The following TENM2 variants were observed in gnomAD, a reference collection of about 807,000 sequenced individuals.
TENM2 encodes teneurin-2.
A neutral mutation model predicts 245.2 loss-of-function variants in TENM2; 52 were observed. The observed-to-expected ratio is 0.21, with a 90% CI of 0.17 to 0.27. The LOEUF (loss-of-function observed/expected upper bound fraction) is 0.27. Among genes scored for constraint, TENM2 ranks in the 10% least tolerant of loss-of-function variants. The pLI, the probability that TENM2 is intolerant of heterozygous loss-of-function variation, is 1.00. For synonymous variants in TENM2, 1,363 were observed against 1,438.9 expected (o/e 0.95, Z 1.19); for missense variants, 3,046 against 3,666.8 (o/e 0.83, Z 4.37).
chr5:167,539,693 A>T (rs1313852360), intron 2 of TENM2, among the ~76,000 whole-genome samples: 1 of 152,204 alleles, frequency 6.6e-6, no homozygotes, highest in East Asian at 1.9e-4. Context: ...TGAGAAAAAA[A>T]TGTTTTCCTT....
At chr5:167,312,729 T>C (rs1369064709) in intron 1 of TENM2, among the ~76,000 whole-genome samples, 1 of 152,088 alleles carries the variant, frequency 6.6e-6, no homozygotes, top group Non-Finnish European at 1.5e-5. Flanking sequence ...AGATGCTTTT[T>C]CTCTCCACAG....
intron 25 of TENM2, among the ~76,000 whole-genome samples, chr5:168,239,728 G>A (rs1284735480): frequency 6.6e-6 from 1 of 151,976 alleles, no homozygotes; most frequent in African/African-American, 2.4e-5. Context: ...TTTACATGTT[G>A]GTCTTTCCCA....
Position 167,662,237 on chromosome 5 carries a change from G to T in TENM2, c.503-213749G>T, listed in dbSNP as rs138874170. On this transcript the variant is annotated intron_variant, in intron 2 of 28. Transcript: ENST00000518659. The stretch of plus-strand genomic sequence containing the variant: ...AAACAAAAAGAGGAGATTCTTGCTA[G>T]ATTGGGTATGGGGAGTTGGGGTGGA... 2.4e-4 allele frequency among the ~76,000 whole-genome samples: 36 copies of T among 152,288 alleles called. No homozygotes were observed. In the East Asian group the frequency reaches 4.6e-3, roughly 20 times the overall value.
In TENM2 at chr5:168,226,074, C is replaced by CTA. The variant is rs756539101; in HGVS notation, c.5109-12_5109-11dup. On this transcript the variant is annotated splice_polypyrimidine_tract_variant and intron_variant, in intron 23 of 28. Transcript: ENST00000518659. The stretch of plus-strand genomic sequence containing the variant: ...TGCTAACCAGGGTTTATCTATCTAT[C>CTA]TATCTCCCCCCAGCTATGACCACGA... The CTA allele has an allele frequency of 1.2e-6, 2 of 1,609,500 alleles. No homozygotes were observed. The highest frequency in any genetic ancestry group is 3.3e-5 in the Admixed American group (2 of 59,766).
the TENM2 span, among the ~76,000 whole-genome samples, chr5:167,146,413 T>C: frequency 6.6e-6 from 1 of 152,184 alleles, no homozygotes; most frequent in East Asian, 1.9e-4. Flanking sequence ...TGTTGATAAC[T>C]TTAGTTTCTG....
chr5:167,496,196 T>A (rs1768803955), intron 2 of TENM2, among the ~76,000 whole-genome samples: 1 of 152,080 alleles, frequency 6.6e-6, no homozygotes, highest in African/African-American at 2.4e-5. Flanking sequence ...ATTGCTTGAA[T>A]TATTCGCAAA....
chr5:167,660,689 C>CT (rs1025054508), intron 2 of TENM2, among the ~76,000 whole-genome samples: 43 of 151,932 alleles, frequency 2.8e-4, no homozygotes, highest in Admixed American at 5.2e-4. Context: ...TTTTTAAAGT[C>CT]TAACACCTTG....
intron 2 of TENM2, among the ~76,000 whole-genome samples, chr5:167,404,694 G>A (rs977463191): frequency 6.6e-6 from 1 of 151,832 alleles, no homozygotes; most frequent in East Asian, 1.9e-4. Flanking sequence ...CTCTCCATGC[G>A]TGTTGGTCAT....
intron 7 of TENM2, among the ~76,000 whole-genome samples, chr5:168,063,357 G>A (rs570997929): frequency 1.1e-4 from 16 of 152,150 alleles, no homozygotes; most frequent in East Asian, 1.9e-4. Context: ...TTAGTTTGTC[G>A]TGGTGGAAGT....
In TENM2 at chr5:168,036,540, G is replaced by A. The variant is rs1015110194; in HGVS notation, c.1187-10887G>A. On this transcript the variant is annotated intron_variant, in intron 5 of 28. Transcript: ENST00000518659. Reference sequence around the variant, plus strand: ...AATCCCAGCTACTTGGGAGGCTGAGGCTAGATAATCGCTTGAACATGGGAG... The same window carrying A: ...AATCCCAGCTACTTGGGAGGCTGAGACTAGATAATCGCTTGAACATGGGAG... Among the ~76,000 whole-genome samples, 388 of 151,426 alleles carry A rather than the reference G, an allele frequency of 2.6e-3. 1 individual carries two copies. The highest frequency in any genetic ancestry group is 8.9e-3 in the African/African-American group (368 of 41,260).
chr5:167,972,729 A>G (rs917716802), intron 4 of TENM2, among the ~76,000 whole-genome samples: 1 of 152,212 alleles, frequency 6.6e-6, no homozygotes, highest in Non-Finnish European at 1.5e-5. Context: ...TTGTGGCTTT[A>G]AAATAAGAGC....
intron 2 of TENM2, among the ~76,000 whole-genome samples, chr5:167,454,567 T>C (rs1765798139): frequency 6.6e-6 from 1 of 151,838 alleles, no homozygotes; most frequent in African/African-American, 2.4e-5. Flanking sequence ...CTGTATTTCT[T>C]TGTGTGTATG....
intron 2 of TENM2, among the ~76,000 whole-genome samples, chr5:167,396,994 T>G (rs929605891): frequency 2.0e-5 from 3 of 152,146 alleles, no homozygotes; most frequent in African/African-American, 7.2e-5. Flanking sequence ...CCCAATCTAT[T>G]TCTCAATGAA....
chr5:167,230,153 A>G, the TENM2 span, among the ~76,000 whole-genome samples: 1 of 152,164 alleles, frequency 6.6e-6, no homozygotes, highest in Non-Finnish European at 1.5e-5. Flanking sequence ...AGGACCCAGC[A>G]TGAGTTCTCT....
At chr5:168,072,499 A>G (rs763438473) in intron 7 of TENM2, among the ~76,000 whole-genome samples, 2 of 152,210 alleles carry the variant, frequency 1.3e-5, no homozygotes, top group Non-Finnish European at 2.9e-5. Flanking sequence ...CTGGGGATAC[A>G]GTGATTAAAA....
chr5:168,018,536 G>T (rs568214867), intron 5 of TENM2, among the ~76,000 whole-genome samples: 4 of 151,940 alleles, frequency 2.6e-5, no homozygotes, highest in African/African-American at 9.7e-5. Flanking sequence ...TTGACTTGTC[G>T]ACCACCTGGG....
chr5:167,663,456 C>T (rs1179663144), intron 2 of TENM2, among the ~76,000 whole-genome samples: 1 of 152,132 alleles, frequency 6.6e-6, no homozygotes, highest in Non-Finnish European at 1.5e-5. Flanking sequence ...CTCTTTTTCT[C>T]TGTAGGCAAT....
At chr5:168,201,043 T>C (rs554110285) in intron 17 of TENM2, among the ~76,000 whole-genome samples, 1 of 152,200 alleles carries the variant, frequency 6.6e-6, no homozygotes, top group African/African-American at 2.4e-5. Flanking sequence ...TTGGGTAACC[T>C]CTCAATAACC....
At chr5:167,372,239 G>A (rs1241404199) in intron 1 of TENM2, among the ~76,000 whole-genome samples, 2 of 152,122 alleles carry the variant, frequency 1.3e-5, no homozygotes, top group Non-Finnish European at 1.5e-5. Flanking sequence ...CTATAAGCTT[G>A]AAGGTGAAAC....
Sources: allele counts gnomAD v4.1 joint callset (sites outside exome capture counted in the v4.1 genomes callset), GRCh38; gene constraint gnomAD v4.1.1; transcripts MANE v1.5; gene names NCBI Gene and HGNC (gene_info 2026-07-23, HGNC 2026-07-21).